TSPAN15: variants seen among roughly 807,000 people sequenced by gnomAD.
The protein encoded by TSPAN15 is tetraspanin-15.
A neutral mutation model predicts 34.5 loss-of-function variants in TSPAN15; 20 were observed. The ratio of observed to expected loss-of-function variants is 0.58; its 90% CI spans 0.41 to 0.84. The LOEUF (loss-of-function observed/expected upper bound fraction) is 0.84, where lower values mean the gene tolerates loss of function less well. Among genes scored for constraint, TSPAN15 ranks in the 40% least tolerant of loss-of-function variants. The pLI is 0.00. For missense variants in TSPAN15, 313 were observed against 386.1 expected (o/e 0.81, Z 1.59); for synonymous variants, 155 against 153.9 (o/e 1.01, Z -0.05).
At chr10:69,492,423 C>T (rs139749341) in intron 3 of TSPAN15, among the ~76,000 whole-genome samples, 47 of 152,288 alleles carry the variant, frequency 3.1e-4, no homozygotes, top group Admixed American at 2.4e-3. Flanking sequence ...CACATACACA[C>T]GTGCACACAC....
chr10:69,502,241 C>T (rs1842225911), intron 5 of TSPAN15, among the ~76,000 whole-genome samples: 1 of 152,198 alleles, frequency 6.6e-6, no homozygotes, highest in African/African-American at 2.4e-5. Flanking sequence ...TAGAAGTTCA[C>T]ATAGGGCTGT....
the TSPAN15 span, among the ~76,000 whole-genome samples, chr10:69,536,923 G>T: frequency 1.3e-5 from 2 of 151,306 alleles, no homozygotes. Context: ...GGCAGAAGTT[G>T]CAGTGAGCCA....
chr10:69,526,459 C>T, the TSPAN15 span, among the ~76,000 whole-genome samples: 77 of 148,326 alleles, frequency 5.2e-4, 5 homozygotes, highest in Admixed American at 9.0e-4. Context: ...ATTAAAACTA[C>T]GATGAAATGC....
chr10:69,489,258 T>C (rs930980275), intron 3 of TSPAN15, among the ~76,000 whole-genome samples: 4 of 152,220 alleles, frequency 2.6e-5, no homozygotes, highest in African/African-American at 9.7e-5. Context: ...CCGCAGGCAG[T>C]CAGACCTTAT....
At chr10:69,533,366 C>A in the TSPAN15 span, among the ~76,000 whole-genome samples, 486 of 152,202 alleles carry the variant, frequency 3.2e-3, 1 homozygote, top group African/African-American at 0.011. Context: ...GCATTCACAG[C>A]AACCTAGATG....
chr10:69,483,716 T>C lies in TSPAN15; in HGVS notation c.122T>C (p.Val41Ala). The C allele has an allele frequency of 1.9e-6, 3 of 1,614,164 alleles. No homozygotes were observed. The highest frequency in any genetic ancestry group is 2.5e-6 in the Non-Finnish European group (3 of 1,180,010). ...FWLIGALVLS[V>A]GIYAEVERQK... is the part of the protein sequence containing the mutation. ...CTGATTGGGGCCCTGGTCCTGTCTGTGGGCATCTATGCAGAGGTTGAGCGG... is the reference window on the plus strand; with the variant it reads ...CTGATTGGGGCCCTGGTCCTGTCTGCGGGCATCTATGCAGAGGTTGAGCGG... The change falls in exon 2 of 8, where the codon GTG becomes GCG. Residue 41 changes from valine (V) to alanine (A), a missense_variant. Val to Ala is a moderately conservative substitution (Grantham distance 64). Transcript: ENST00000373290.
the TSPAN15 span, among the ~76,000 whole-genome samples, chr10:69,513,985 AG>A: frequency 4.9e-4 from 74 of 152,314 alleles, no homozygotes; most frequent in East Asian, 0.011. Context: ...TCCTGATCTT[AG>A]GGGGAAAGTG....
chr10:69,512,058 T>C (rs146037988), downstream of TSPAN15, among the ~76,000 whole-genome samples: 102 of 152,332 alleles, frequency 6.7e-4, 1 homozygote, highest in East Asian at 0.017. Context: ...CTGCCCATTC[T>C]GCACAAGTAT....
intron 1 of TSPAN15, among the ~76,000 whole-genome samples, chr10:69,461,924 C>T (rs1266389042): frequency 2.0e-5 from 3 of 148,006 alleles, no homozygotes; most frequent in African/African-American, 7.5e-5. Context: ...CCCCCGCCAC[C>T]ACCCCCCCCA....
chr10:69,469,697 C>A (rs1302127437), intron 1 of TSPAN15, among the ~76,000 whole-genome samples: 1 of 152,158 alleles, frequency 6.6e-6, no homozygotes, highest in Non-Finnish European at 1.5e-5. Flanking sequence ...TGGACACCAC[C>A]ACGTCCAGCT....
At chr10:69,468,811 A>G (rs959805977) in intron 1 of TSPAN15, among the ~76,000 whole-genome samples, 3 of 151,978 alleles carry the variant, frequency 2.0e-5, no homozygotes, top group Non-Finnish European at 4.4e-5. Flanking sequence ...TCAGTCCTAT[A>G]TACAGGCCAC....
chr10:69,510,869 G>A (rs1842407710), downstream of TSPAN15, among the ~76,000 whole-genome samples: 1 of 152,176 alleles, frequency 6.6e-6, no homozygotes, highest in Admixed American at 6.5e-5. Flanking sequence ...TTTATGTGAT[G>A]GATTACGTTT....
intron 1 of TSPAN15, among the ~76,000 whole-genome samples, chr10:69,468,946 C>T (rs922588888): frequency 6.6e-6 from 1 of 150,472 alleles, no homozygotes; most frequent in Non-Finnish European, 1.5e-5. Context: ...ATAATGAGCC[C>T]GTTTAGTCAC....
At chr10:69,539,264 G>A in the TSPAN15 span, among the ~76,000 whole-genome samples, 3 of 151,806 alleles carry the variant, frequency 2.0e-5, no homozygotes, top group Non-Finnish European at 4.4e-5. Flanking sequence ...GGTGGGAGGG[G>A]AGTGAGGGAT....
the TSPAN15 span, among the ~76,000 whole-genome samples, chr10:69,546,068 C>T: frequency 1.3e-5 from 2 of 152,168 alleles, no homozygotes; most frequent in South Asian, 2.1e-4. Context: ...TCCTTGCTAT[C>T]TACCCATTCC....
chr10:69,535,453 T>G, the TSPAN15 span, among the ~76,000 whole-genome samples: 26 of 152,310 alleles, frequency 1.7e-4, 2 homozygotes, highest in South Asian at 5.2e-3. Context: ...CAATTTGTCT[T>G]TTTTGGAGGG....
intron 1 of TSPAN15, among the ~76,000 whole-genome samples, chr10:69,472,398 C>T (rs546324777): frequency 1.1e-4 from 16 of 152,190 alleles, no homozygotes; most frequent in African/African-American, 2.4e-4. Context: ...TCCTCTCTGG[C>T]GCCTTTGCAC....
chr10:69,507,606 C>T lies in TSPAN15; in HGVS notation c.*628C>T. ...CTGGTATTTCCCCGCATGTCTTATT[C>T]TTGCCCTTCCCCCAACCAGTTTGTT... On this transcript the variant is annotated 3_prime_UTR_variant, in exon 8 of 8. Coordinates refer to ENST00000373290, the MANE Select transcript of TSPAN15 (RefSeq NM_012339.5). 1 of 1,301,178 alleles carries T rather than the reference C, an allele frequency of 7.7e-7. No homozygotes were observed. 80.6% of individuals were successfully genotyped at this position (1,301,178 alleles called of 1,614,324 possible).
At chr10:69,469,233 G>C (rs1405898030) in intron 1 of TSPAN15, among the ~76,000 whole-genome samples, 1 of 152,214 alleles carries the variant, frequency 6.6e-6, no homozygotes, top group African/African-American at 2.4e-5. Context: ...GGCTCAGAGA[G>C]GGCCTGGGAG....
Sources: gnomAD v4.1 joint callset for allele counts (sites outside exome capture counted in the v4.1 genomes callset) on GRCh38, gnomAD v4.1.1 for gene constraint, MANE v1.5 for transcripts, NCBI Gene and HGNC (gene_info 2026-07-23, HGNC 2026-07-21) for gene names.